ABCB11: variants seen among roughly 807,000 people sequenced by gnomAD.
ABCB11 encodes bile salt export pump.
In ABCB11, 95 loss-of-function variants were observed where a neutral mutation model predicts 148.0. The observed-to-expected ratio is 0.64, with a 90% confidence interval of 0.54 to 0.76. The LOEUF (loss-of-function observed/expected upper bound fraction) is 0.76, where lower values mean the gene tolerates loss of function less well. ABCB11 is among the 30% of genes least tolerant of loss of function. The pLI is 0.00. For synonymous variants in ABCB11, 591 were observed against 555.4 expected (o/e 1.06, Z -0.90); for missense variants, 1,523 against 1,617.8 (o/e 0.94, Z 1.01).
chr2:168,961,084 C>A (rs915073847), intron 18 of ABCB11, among the ~76,000 whole-genome samples: 1 of 151,670 alleles, frequency 6.6e-6, no homozygotes, highest in African/African-American at 2.4e-5. Flanking sequence ...TCACAGTGTA[C>A]AATCGATGTT....
chr2:168,939,779 G>T, intron 21 of ABCB11, among the ~76,000 whole-genome samples: 1 of 152,120 alleles, frequency 6.6e-6, no homozygotes, highest in East Asian at 1.9e-4. Context: ...CCCTGTATAT[G>T]CAGAGCAATT....
chr2:168,924,194 T>G (rs1337124277), intron 27 of ABCB11, among the ~76,000 whole-genome samples: 2 of 152,234 alleles, frequency 1.3e-5, no homozygotes, highest in African/African-American at 4.8e-5. Context: ...CAAAATGGAA[T>G]CCCGATTGTT....
intron 10 of ABCB11, among the ~76,000 whole-genome samples, chr2:168,984,982 G>A (rs1245893909): frequency 6.6e-6 from 1 of 152,044 alleles, no homozygotes; most frequent in Non-Finnish European, 1.5e-5. Context: ...AACAGTCAGC[G>A]AGTAAACAGA....
downstream of ABCB11, among the ~76,000 whole-genome samples, chr2:168,919,168 T>C (rs954127019): frequency 8.6e-6 from 1 of 116,720 alleles, no homozygotes; most frequent in African/African-American, 3.3e-5. Flanking sequence ...TCATAATCTA[T>C]CTATAATTCT....
chr2:169,005,892 A>G (rs1695004142), intron 5 of ABCB11, among the ~76,000 whole-genome samples: 1 of 152,190 alleles, frequency 6.6e-6, no homozygotes, highest in African/African-American at 2.4e-5. Context: ...TATAACAACT[A>G]AAGAGATTGA....
At chr2:168,919,836 T>TTG (rs754711913), downstream of ABCB11, among the ~76,000 whole-genome samples, 7 of 151,886 alleles carry the variant, frequency 4.6e-5, no homozygotes, top group Non-Finnish European at 1.0e-4. Context: ...TATAGTTCTT[T>TTG]TGTGTGTGTG....
intron 27 of ABCB11, among the ~76,000 whole-genome samples, chr2:168,924,388 A>G (rs1051930298): frequency 1.1e-4 from 16 of 152,186 alleles, no homozygotes; most frequent in African/African-American, 3.6e-4. Context: ...TTTATTCAAG[A>G]AAGGTGATTA....
rs749498678 is a variant in ABCB11 at position 168,935,207 on chromosome 2, C to A, written c.3033G>T (p.Gly1011=). The change falls in exon 23 of 28, where the codon GGG becomes GGT. Residue 1011 remains glycine, a synonymous_variant. Transcript: ENST00000650372. ...RYGGYLISNE[G]LHFSYVFRVI... ...ACCTGAACACATAGCTGAAATGGAG[C>A]CCCTCATTGGAGATTAAGTAACCTC... is the stretch of plus-strand genomic sequence containing the variant. 1 of 1,614,014 alleles carries A rather than the reference C, an allele frequency of 6.2e-7. No homozygotes were observed. The highest frequency in any genetic ancestry group is 8.5e-7 in the Non-Finnish European group (1 of 1,179,892).
chr2:168,999,944 A>G (rs7605199), intron 5 of ABCB11, among the ~76,000 whole-genome samples: 62,641 of 151,898 alleles, frequency 0.41, 13,347 homozygotes, highest in South Asian at 0.51. Flanking sequence ...GGCATGAGTG[A>G]TGGTAGAGTG....
At chr2:168,938,203 GACT>G (rs1691911810) in intron 21 of ABCB11, among the ~76,000 whole-genome samples, 1 of 152,120 alleles carries the variant, frequency 6.6e-6, no homozygotes, top group Non-Finnish European at 1.5e-5. Flanking sequence ...CTTCCTTGGA[GACT>G]AACAGGCTAA....
intron 19 of ABCB11, among the ~76,000 whole-genome samples, chr2:168,952,685 T>G (rs1358401176): frequency 1.7e-5 from 2 of 117,820 alleles, no homozygotes; most frequent in African/African-American, 5.5e-5. Context: ...TTGTTTTTTT[T>G]TTTTTGTTTG....
chr2:169,017,842 A>G, intron 2 of ABCB11: 1 of 736,434 alleles, frequency 1.4e-6, no homozygotes, highest in South Asian at 1.4e-5. Context: ...ATTTACACAC[A>G]CTTGGTGTGT....
In ABCB11 at chr2:169,028,671, T is replaced by G. The variant is rs146730815; in HGVS notation, c.-28+2554A>C. ...TATCCTAAAGGCCATGGGAAGCTAA[T>G]GAAGTCTTTTAGGCAAGAAAGGATA... On this transcript the variant is annotated intron_variant, in intron 1 of 27. Transcript: ENST00000650372. Among the ~76,000 whole-genome samples the G allele has an allele frequency of 1.2e-3, 187 of 152,124 alleles. 1 individual carries two copies. Among genetic ancestry groups the G allele is most frequent in the African/African-American group, 4.3e-3 (180 of 41,504 alleles).
chr2:168,976,691 G>T lies in ABCB11; in HGVS notation c.1198-4C>A, dbSNP rs762254837. 96 of 1,584,904 alleles carry T rather than the reference G, an allele frequency of 6.1e-5. No homozygotes were observed. The highest frequency in any genetic ancestry group is 7.8e-5 in the Non-Finnish European group (90 of 1,154,344). On this transcript the variant is annotated splice_region_variant and splice_polypyrimidine_tract_variant and intron_variant, in intron 11 of 27. Transcript: ENST00000650372. The stretch of plus-strand genomic sequence containing the variant: ...ACATGCAGTCAATGATGGGTTTCTG[G>T]AGTGAAATACAAAAGGGACACAGTG...
At chr2:169,024,083 C>T (rs969545161) in intron 1 of ABCB11, among the ~76,000 whole-genome samples, 63 of 152,188 alleles carry the variant, frequency 4.1e-4, no homozygotes, top group Admixed American at 5.9e-4. Flanking sequence ...AAATAGCTAA[C>T]GCATGCCGGG....
chr2:168,930,122 G>A (rs1691502630), intron 25 of ABCB11, among the ~76,000 whole-genome samples: 1 of 152,126 alleles, frequency 6.6e-6, no homozygotes, highest in Non-Finnish European at 1.5e-5. Context: ...AGAAAGAAAT[G>A]TTATGAAAAA....
intron 11 of ABCB11, 118 bp downstream of exon 11, chr2:168,979,748 G>A (rs1021776409): frequency 4.3e-6 from 2 of 467,586 alleles, no homozygotes; most frequent in Non-Finnish European, 7.8e-6. Flanking sequence ...GCTGAATTAA[G>A]GGCCTTGCGA....
Position 168,927,218 on chromosome 2 carries a change from C to T in ABCB11, c.3556G>A (p.Glu1186Lys), listed in dbSNP as rs1521808. Reference sequence around the variant, plus strand: ...TGTTTTGCAGCTGCTATGACTCTTTCCATGGGAATTTCTTTGGTGTTGTCT... The same window carrying T: ...TGTTTTGCAGCTGCTATGACTCTTTTCATGGGAATTTCTTTGGTGTTGTCT... The part of the protein sequence containing the change: ...YGDNTKEIPM[E>K]RVIAAAKQAQ... Residue 1186 changes from glutamate to lysine, a missense_variant, in exon 26 of 28, where the codon GAA becomes AAA. Transcript: ENST00000650372. The T allele has an allele frequency of 1.6e-3, 2,579 of 1,613,880 alleles. 40 individuals are homozygous for T. In the African/African-American group the frequency reaches 0.031, roughly 19 times the overall value.
chr2:168,954,805 T>A lies in ABCB11; in HGVS notation c.2343+3159A>T, dbSNP rs1030371082. On this transcript the variant is annotated intron_variant, in intron 19 of 27. Coordinates refer to ENST00000650372, the MANE Select transcript of ABCB11 (RefSeq NM_003742.4). ...TGGGAGGTTGTTATTGATGATTTTT[T>A]AAAATATGTTTTCTAAACCTTTTGA... Among the ~76,000 whole-genome samples, 26 of 151,834 alleles carry A rather than the reference T, an allele frequency of 1.7e-4. 1 individual carries two copies. Among genetic ancestry groups the A allele is most frequent in the Admixed American group, 1.6e-3 (24 of 15,220 alleles).
Sources: gnomAD v4.1 joint callset for allele counts (sites outside exome capture counted in the v4.1 genomes callset) on GRCh38, gnomAD v4.1.1 for gene constraint, MANE v1.5 for transcripts, NCBI Gene and HGNC (gene_info 2026-07-23, HGNC 2026-07-21) for gene names.